The following CCDC149 variants were observed in gnomAD, a reference collection of about 807,000 sequenced individuals.
CCDC149 encodes coiled-coil domain containing 149, also known as coiled-coil domain-containing protein 149.
A neutral mutation model predicts 59.9 loss-of-function variants in CCDC149; 45 were observed. That is an observed-to-expected ratio of 0.75 (90% CI 0.59 to 0.96). The LOEUF (loss-of-function observed/expected upper bound fraction) is 0.96, where lower values mean the gene tolerates loss of function less well. CCDC149 is among the 40% of genes least tolerant of loss of function. The pLI is 0.00. For synonymous variants in CCDC149, 245 were observed against 260.6 expected (o/e 0.94, Z 0.58); for missense variants, 584 against 664.7 (o/e 0.88, Z 1.33).
chr4:24,884,505 G>A (rs1009991653), intron 1 of CCDC149, among the ~76,000 whole-genome samples: 6 of 152,212 alleles, frequency 3.9e-5, no homozygotes. Flanking sequence ...ATGGTAATAA[G>A]TAGCTGATTA....
chr4:24,853,911 C>T lies in CCDC149; in HGVS notation c.265-732G>A, dbSNP rs573606001. Among the ~76,000 whole-genome samples, 5 of 152,250 alleles carry T rather than the reference C, an allele frequency of 3.3e-5. No individual in the cohort carries two copies. The South Asian group carries it at 1.0e-3, about 32-fold the overall frequency. Reference sequence around the variant, plus strand: ...TCCCCTTCTTTATTTCCTTATTCTACCTCACATAGTACTAAATAGCCAGGA... The same window carrying T: ...TCCCCTTCTTTATTTCCTTATTCTATCTCACATAGTACTAAATAGCCAGGA... On this transcript the variant is annotated intron_variant, in intron 3 of 12. Transcript: ENST00000635206.
At position 24,813,529 on chromosome 4, in the gene CCDC149, A is replaced by AT. The variant is rs1560197755; in HGVS notation, c.1193-4711_1193-4710insA. ...ATATATATATATATATATATATATA[A>AT]AACCTAAAAAGGAAATATAATCTAA... On this transcript the variant is annotated intron_variant, in intron 12 of 12. Coordinates refer to ENST00000635206, the MANE Select transcript of CCDC149 (RefSeq NM_001330643.2). Among the ~76,000 whole-genome samples, 188 of 110,428 alleles carry AT rather than the reference A, an allele frequency of 1.7e-3. 4 individuals carry two copies. Among genetic ancestry groups the AT allele is most frequent in the African/African-American group, 8.0e-3 (181 of 22,592 alleles). 72.4% of individuals were successfully genotyped at this position (110,428 alleles called of 152,430 possible).
chr4:24,848,339 G>A (rs1717441295), intron 4 of CCDC149, among the ~76,000 whole-genome samples: 1 of 152,114 alleles, frequency 6.6e-6, no homozygotes. Flanking sequence ...GGGATGCCGA[G>A]GTGGGTGGAT....
chr4:24,934,099 T>G (rs1157412679), intron 1 of CCDC149, among the ~76,000 whole-genome samples: 1 of 152,192 alleles, frequency 6.6e-6, no homozygotes, highest in Non-Finnish European at 1.5e-5. Context: ...AAGTGGAATG[T>G]GCCAAGCCTC....
intron 1 of CCDC149, among the ~76,000 whole-genome samples, chr4:24,901,175 G>C (rs1721147719): frequency 1.3e-5 from 2 of 152,222 alleles, no homozygotes; most frequent in Admixed American, 1.3e-4. Context: ...ACCAGAAGAG[G>C]TGAAAGTGGA....
chr4:24,923,288 A>G (rs1245055357), intron 1 of CCDC149, among the ~76,000 whole-genome samples: 2 of 152,234 alleles, frequency 1.3e-5, no homozygotes, highest in African/African-American at 4.8e-5. Flanking sequence ...ATTAAATAAC[A>G]TTCAACAAAT....
chr4:24,975,484 G>A (rs1230509433), intron 1 of CCDC149, among the ~76,000 whole-genome samples: 2 of 143,474 alleles, frequency 1.4e-5, no homozygotes, highest in African/African-American at 5.2e-5. Flanking sequence ...AAGAAAGCGG[G>A]GAGGAGAGGG....
chr4:24,978,944 G>A (rs1457205241), intron 1 of CCDC149, among the ~76,000 whole-genome samples: 1 of 151,834 alleles, frequency 6.6e-6, no homozygotes, highest in Non-Finnish European at 1.5e-5. Flanking sequence ...TGGAAGCGGT[G>A]CACTTTGTTC....
At chr4:24,856,773 C>T (rs1467670047) in intron 3 of CCDC149, among the ~76,000 whole-genome samples, 2 of 152,234 alleles carry the variant, frequency 1.3e-5, no homozygotes, top group Non-Finnish European at 2.9e-5. Flanking sequence ...ATGTGGGCGG[C>T]CTCTGCCTTT....
chr4:24,808,936 A>G, intron 12 of CCDC149, 117 bp from the exon 13 acceptor site: 1 of 1,009,066 alleles, frequency 9.9e-7, no homozygotes, highest in South Asian at 1.7e-5. Context: ...AAGGAGCAAG[A>G]CTTTTTTGGC....
At chr4:24,921,124 T>C (rs1032710422) in intron 1 of CCDC149, among the ~76,000 whole-genome samples, 2 of 152,230 alleles carry the variant, frequency 1.3e-5, no homozygotes, top group Non-Finnish European at 2.9e-5. Context: ...TAAATGTTTG[T>C]TGAGCTCAAT....
At chr4:24,825,061 G>A (rs559016552) in intron 9 of CCDC149, among the ~76,000 whole-genome samples, 30 of 152,166 alleles carry the variant, frequency 2.0e-4, no homozygotes, top group African/African-American at 6.3e-4. Context: ...CCAGCAGCAC[G>A]GATAGGTGGA....
intron 3 of CCDC149, among the ~76,000 whole-genome samples, chr4:24,869,449 A>G (rs1215391763): frequency 6.6e-6 from 1 of 152,186 alleles, no homozygotes; most frequent in Non-Finnish European, 1.5e-5. Context: ...AACTCTTCCC[A>G]TAATCTATGA....
intron 1 of CCDC149, among the ~76,000 whole-genome samples, chr4:24,923,451 A>G (rs1460377841): frequency 3.3e-5 from 5 of 152,230 alleles, no homozygotes. Context: ...TGCAAAAATT[A>G]TTTAATCACC....
At chr4:24,866,804 A>AT (rs764719588) in intron 3 of CCDC149, among the ~76,000 whole-genome samples, 7,068 of 107,170 alleles carry the variant, frequency 0.066, 548 homozygotes, top group African/African-American at 0.22. Context: ...AAAAAAAAAA[A>AT]ATATACACAC....
chr4:24,851,612 C>G (rs1292888902), intron 4 of CCDC149, among the ~76,000 whole-genome samples: 2 of 152,152 alleles, frequency 1.3e-5, no homozygotes, highest in Non-Finnish European at 2.9e-5. Context: ...ATCAGTCAGT[C>G]AAGAAGAGTC....
chr4:24,894,985 T>C, intron 1 of CCDC149: 1 of 1,536,198 alleles, frequency 6.5e-7, no homozygotes, highest in Admixed American at 2.0e-5. Flanking sequence ...GCATGGTTTG[T>C]CAATACCTCA....
intron 1 of CCDC149, among the ~76,000 whole-genome samples, chr4:24,903,781 CTG>C (rs1721316082): frequency 6.7e-6 from 1 of 149,344 alleles, no homozygotes; most frequent in Non-Finnish European, 1.5e-5. Context: ...GATCAGTTTT[CTG>C]TCTTTTTAAT....
chr4:24,912,958 C>A lies in CCDC149; in HGVS notation c.-79G>T. 1.2e-6 allele frequency: 1 copy of A among 826,746 alleles called. No individual in the cohort carries two copies. The highest frequency in any genetic ancestry group is 1.5e-6 in the Non-Finnish European group (1 of 645,236). 51.2% of individuals were successfully genotyped at this position (826,746 alleles called of 1,614,324 possible). Reference sequence around the variant, plus strand: ...TCGCCGCCGCCGCCCGGGCCCCGCGCGGCCCCGAGAGGGCCCGGCGCCTCC... The same window carrying A: ...TCGCCGCCGCCGCCCGGGCCCCGCGAGGCCCCGAGAGGGCCCGGCGCCTCC... On this transcript the variant is annotated 5_prime_UTR_variant, in exon 1 of 13. Coordinates refer to ENST00000635206, the MANE Select transcript of CCDC149 (RefSeq NM_001330643.2).
Sources: gnomAD v4.1 joint callset for allele counts (sites outside exome capture counted in the v4.1 genomes callset) on GRCh38, gnomAD v4.1.1 for gene constraint, MANE v1.5 for transcripts, NCBI Gene and HGNC (gene_info 2026-07-23, HGNC 2026-07-21) for gene names.